The following FRMD5 variants were observed in gnomAD, a reference collection of about 807,000 sequenced individuals.
FRMD5 encodes the protein FERM domain containing 5, also known as FERM domain-containing protein 5.
In FRMD5, 20 loss-of-function variants were observed where a neutral mutation model predicts 69.0. The observed-to-expected ratio is 0.29, with a 90% confidence interval of 0.20 to 0.42. FRMD5 has a LOEUF of 0.42. Ranked by LOEUF, FRMD5 falls within the 10% of genes least tolerant of loss-of-function variation. FRMD5 has a pLI of 1.00. For missense variants in FRMD5, 595 were observed against 708.6 expected (o/e 0.84, Z 1.82); for synonymous variants, 271 against 260.1 (o/e 1.04, Z -0.40).
chr15:43,972,968 T>C (rs149953085), intron 1 of FRMD5, among the ~76,000 whole-genome samples: 39 of 152,390 alleles, frequency 2.6e-4, no homozygotes, highest in African/African-American at 9.4e-4. Context: ...CTAATTCTTA[T>C]GACTGGATCA....
chr15:44,191,160 C>A (rs780456919), intron 1 of FRMD5, among the ~76,000 whole-genome samples: 10 of 152,198 alleles, frequency 6.6e-5, no homozygotes, highest in Non-Finnish European at 1.3e-4. Context: ...AGTAGCTCAC[C>A]TTTCAGTAAT....
chr15:44,027,480 A>G (rs756206683), intron 1 of FRMD5, among the ~76,000 whole-genome samples: 9 of 152,162 alleles, frequency 5.9e-5, no homozygotes, highest in Non-Finnish European at 1.2e-4. Context: ...TTCTCACTAC[A>G]GTGCAGTTTG....
intron 1 of FRMD5, among the ~76,000 whole-genome samples, chr15:43,938,963 G>C (rs1443800311): frequency 6.6e-6 from 1 of 151,918 alleles, no homozygotes; most frequent in Non-Finnish European, 1.5e-5. Flanking sequence ...CTAGGTTGAA[G>C]GAATTCTCCA....
chr15:43,916,719 T>G (rs1046042432), intron 4 of FRMD5, among the ~76,000 whole-genome samples: 2 of 152,120 alleles, frequency 1.3e-5, no homozygotes, highest in East Asian at 1.9e-4. Flanking sequence ...CTATGCTGCT[T>G]CTTGGGTAGG....
chr15:43,926,258 G>A (rs149917735), intron 1 of FRMD5, among the ~76,000 whole-genome samples: 3 of 152,228 alleles, frequency 2.0e-5, no homozygotes, highest in African/African-American at 7.2e-5. Context: ...AACATCTGGA[G>A]CCTGCACAGC....
At chr15:44,194,165 A>G (rs1327159105) in intron 1 of FRMD5, 1 of 152,276 alleles carries the variant, frequency 6.6e-6, no homozygotes, top group Non-Finnish European at 1.5e-5. Flanking sequence ...GAACATGAGC[A>G]AGAGGTTGTA....
chr15:44,098,322 C>A (rs1162921144), intron 1 of FRMD5, among the ~76,000 whole-genome samples: 1 of 151,918 alleles, frequency 6.6e-6, no homozygotes. Flanking sequence ...GTCAAGAGAT[C>A]GAGACCATCC....
chr15:43,943,576 C>A (rs2089896960), intron 1 of FRMD5, among the ~76,000 whole-genome samples: 1 of 152,192 alleles, frequency 6.6e-6, no homozygotes, highest in South Asian at 2.1e-4. Flanking sequence ...TGAGGCCATA[C>A]TGGATTAGGG....
At chr15:44,053,989 CAT>C (rs1892769742) in intron 1 of FRMD5, among the ~76,000 whole-genome samples, 1 of 152,172 alleles carries the variant, frequency 6.6e-6, no homozygotes, top group Admixed American at 6.5e-5. Flanking sequence ...AACGTCATCA[CAT>C]GTGTGAAAGC....
intron 1 of FRMD5, among the ~76,000 whole-genome samples, chr15:43,980,576 T>G (rs1595583503): frequency 6.6e-6 from 1 of 152,328 alleles, no homozygotes; most frequent in Non-Finnish European, 1.5e-5. Context: ...TGCTAGATCT[T>G]TCTACTCTTG....
chr15:44,025,705 T>C (rs1293257292), intron 1 of FRMD5, among the ~76,000 whole-genome samples: 1 of 151,906 alleles, frequency 6.6e-6, no homozygotes, highest in Non-Finnish European at 1.5e-5. Context: ...GTTAAGAAAA[T>C]AGGGAGTATT....
At chr15:43,950,347 G>A (rs2090007906) in intron 1 of FRMD5, among the ~76,000 whole-genome samples, 1 of 152,324 alleles carries the variant, frequency 6.6e-6, no homozygotes, top group South Asian at 2.1e-4. Flanking sequence ...TAAAAAGGGA[G>A]CAGGCCATTG....
At chr15:43,933,821 G>C (rs1025218044) in intron 1 of FRMD5, among the ~76,000 whole-genome samples, 6 of 152,150 alleles carry the variant, frequency 3.9e-5, no homozygotes, top group African/African-American at 1.4e-4. Flanking sequence ...TGGCTAACTA[G>C]CTCAAAACTC....
chr15:44,136,350 C>A (rs941589103), intron 1 of FRMD5, among the ~76,000 whole-genome samples: 1 of 152,022 alleles, frequency 6.6e-6, no homozygotes, highest in Admixed American at 6.6e-5. Flanking sequence ...TTATCAGGTG[C>A]AAATAATATT....
chr15:44,065,289 G>A (rs779882977), intron 1 of FRMD5, among the ~76,000 whole-genome samples: 1 of 152,150 alleles, frequency 6.6e-6, no homozygotes, highest in Admixed American at 6.5e-5. Flanking sequence ...GTCCTGGTAG[G>A]ACTAGGGTTT....
At chr15:44,027,704 G>A (rs1042231387) in intron 1 of FRMD5, among the ~76,000 whole-genome samples, 1 of 144,232 alleles carries the variant, frequency 6.9e-6, no homozygotes, top group African/African-American at 2.6e-5. Context: ...GGGCTGGAGT[G>A]CAGTGGTGCC....
At chr15:43,981,829 G>C (rs572372020) in intron 1 of FRMD5, among the ~76,000 whole-genome samples, 101 of 152,262 alleles carry the variant, frequency 6.6e-4, no homozygotes, top group African/African-American at 2.4e-3. Flanking sequence ...AAATTCTCAG[G>C]TGTGGTGTCT....
At chr15:43,917,531 C>A (rs1595516563) in intron 4 of FRMD5, among the ~76,000 whole-genome samples, 1 of 152,180 alleles carries the variant, frequency 6.6e-6, no homozygotes, top group African/African-American at 2.4e-5. Flanking sequence ...GCTGGGATTA[C>A]AGGCGTGATG....
At chr15:43,965,287 A>G (rs1165683124) in intron 1 of FRMD5, among the ~76,000 whole-genome samples, 1 of 152,196 alleles carries the variant, frequency 6.6e-6, no homozygotes, top group Non-Finnish European at 1.5e-5. Flanking sequence ...ATGACCTGTC[A>G]AAACCATCTG....
Sources: gnomAD v4.1 joint callset for allele counts (sites outside exome capture counted in the v4.1 genomes callset) on GRCh38, gnomAD v4.1.1 for gene constraint, MANE v1.5 for transcripts, NCBI Gene and HGNC (gene_info 2026-07-23, HGNC 2026-07-21) for gene names.